The following LUZP4 variants were observed in gnomAD, a reference collection of about 807,000 sequenced individuals.
The protein encoded by LUZP4 is leucine zipper protein 4.
A neutral mutation model predicts 8.5 loss-of-function variants in LUZP4; 11 were observed. That is an observed-to-expected ratio of 1.30 (90% confidence interval 0.82 to 2.14). The LOEUF is 2.14. LUZP4 is among the 30% of genes most tolerant of loss of function. LUZP4 has a pLI of 0.00. For synonymous variants in LUZP4, 104 were observed against 79.4 expected (o/e 1.31, Z -1.65); for missense variants, 276 against 229.7 (o/e 1.20, Z -1.30).
Position 115,291,767 on chromosome X carries a change from C to G in LUZP4, c.91+1917C>G, listed in dbSNP as rs781797960. ...TGAAACCCCATCTCTACTAAAAATA[C>G]AAAGATTAGCTGGGCATGGTGTTGC... is the stretch of plus-strand genomic sequence containing the variant. On this transcript the variant is annotated intron_variant, in intron 1 of 3. Coordinates refer to ENST00000371920, the MANE Select transcript of LUZP4 (RefSeq NM_016383.5). Among the ~76,000 whole-genome samples, 6 of 110,143 alleles carry G rather than the reference C, an allele frequency of 5.4e-5. No individual in the cohort carries two copies. The South Asian group carries it at 2.4e-3, about 45-fold the overall frequency.
At chrX:115,305,289 T>A (rs1318090149) in intron 3 of LUZP4, among the ~76,000 whole-genome samples, 1 of 112,369 alleles carries the variant, frequency 8.9e-6, no homozygotes, top group Non-Finnish European at 1.9e-5. Context: ...GTACAAAAGC[T>A]GGAGAGTGGC....
At chrX:115,304,420 A>G (rs2073411048) in intron 3 of LUZP4, among the ~76,000 whole-genome samples, 1 of 112,441 alleles carries the variant, frequency 8.9e-6, no homozygotes. Flanking sequence ...GGGAAGAAGA[A>G]CATGAGCTTC....
chrX:115,301,683 A>T (rs782253312), intron 1 of LUZP4, among the ~76,000 whole-genome samples: 2 of 112,274 alleles, frequency 1.8e-5, no homozygotes, highest in African/African-American at 6.5e-5. Context: ...CTGAAATAAC[A>T]TTTAGTAAAA....
intron 1 of LUZP4, among the ~76,000 whole-genome samples, chrX:115,291,903 C>A (rs2073350619): frequency 9.2e-6 from 1 of 109,053 alleles, no homozygotes; most frequent in Admixed American, 9.7e-5. Flanking sequence ...GCCTGGGTGC[C>A]AGAGTGAGAC....
chrX:115,304,266 A>G (rs1428002363), intron 3 of LUZP4, among the ~76,000 whole-genome samples: 1 of 111,925 alleles, frequency 8.9e-6, no homozygotes, highest in Non-Finnish European at 1.9e-5. Context: ...GCCAGGCAGT[A>G]TGCAGTATGT....
At chrX:115,305,465 T>C (rs1264197136) in intron 3 of LUZP4, among the ~76,000 whole-genome samples, 3 of 112,262 alleles carry the variant, frequency 2.7e-5, no homozygotes, top group Admixed American at 1.9e-4. Context: ...ATTGAGGGGA[T>C]GTTGTGTTTG....
intron 1 of LUZP4, among the ~76,000 whole-genome samples, chrX:115,290,964 G>A (rs2073346569): frequency 9.0e-6 from 1 of 110,629 alleles, no homozygotes; most frequent in Non-Finnish European, 1.9e-5. Context: ...TTGTTTTTTT[G>A]TTTTGTTTTG....
Position 115,306,997 on chromosome X carries a change from T to C in LUZP4, c.*193T>C. Reference sequence around the variant, plus strand: ...AGCTATCATCCAGTTACCCAGGATGTCCCATTAAGTTGTTCCCGGTAGGTC... The same window carrying C: ...AGCTATCATCCAGTTACCCAGGATGCCCCATTAAGTTGTTCCCGGTAGGTC... On this transcript the variant is annotated 3_prime_UTR_variant, in exon 4 of 4. Transcript: ENST00000371920. 2.2e-6 allele frequency: 1 copy of C among 448,058 alleles called. No homozygotes were observed. Among genetic ancestry groups the C allele is most frequent in the Non-Finnish European group, 3.8e-6 (1 of 264,672 alleles). The allele number at this position is 448,058 out of a possible 1,213,427, so 36.9% of individuals were successfully genotyped here. A position where few individuals can be genotyped will look rare whatever the true frequency, so the allele number is the denominator to read the frequency against.
At chrX:115,290,037 C>T (rs1234809282) in intron 1 of LUZP4, among the ~76,000 whole-genome samples, 187 bp downstream of exon 1, 2 of 110,609 alleles carry the variant, frequency 1.8e-5, no homozygotes, top group East Asian at 2.9e-4. Context: ...GGCCCCTATC[C>T]CTCCTCTCCT....
chrX:115,301,669 G>A (rs1298668791), intron 1 of LUZP4, among the ~76,000 whole-genome samples: 1 of 111,921 alleles, frequency 8.9e-6, no homozygotes, highest in Middle Eastern at 4.2e-3. Flanking sequence ...ATATTTCTAT[G>A]ACACTGAAAT....
intron 1 of LUZP4, among the ~76,000 whole-genome samples, chrX:115,293,091 G>T (rs2073355444): frequency 9.1e-6 from 1 of 109,594 alleles, no homozygotes; most frequent in African/African-American, 3.3e-5. Flanking sequence ...AAAGTTCAAG[G>T]AGTCACAAAA....
chrX:115,291,600 A>G (rs1021932566), intron 1 of LUZP4, among the ~76,000 whole-genome samples: 1 of 111,071 alleles, frequency 9.0e-6, no homozygotes, highest in Non-Finnish European at 1.9e-5. Context: ...AAGGGGCAGG[A>G]TAAGTGGAGG....
intron 2 of LUZP4, among the ~76,000 whole-genome samples, chrX:115,302,698 A>G (rs1175387249): frequency 4.4e-5 from 5 of 112,939 alleles, no homozygotes; most frequent in Non-Finnish European, 7.5e-5. Context: ...TGTGATTACT[A>G]TAAGCCCCGA....
chrX:115,305,808 CAAT>C (rs1252514674), intron 3 of LUZP4, among the ~76,000 whole-genome samples: 2 of 111,623 alleles, frequency 1.8e-5, no homozygotes, highest in African/African-American at 6.5e-5. Flanking sequence ...AAAGAGTAAA[CAAT>C]ATGATTTTGA....
intron 1 of LUZP4, among the ~76,000 whole-genome samples, chrX:115,300,689 T>C: frequency 9.0e-6 from 1 of 111,588 alleles, no homozygotes; most frequent in East Asian, 2.9e-4. Context: ...TTTTCCTTTC[T>C]GCTCTAACAG....
At position 115,302,050 on chromosome X, in the gene LUZP4, AAGAC is replaced by A. The variant is rs781843724; in HGVS notation, c.154_157del (p.Gln52ThrfsTer54). 4.2e-6 allele frequency: 5 copies of A among 1,190,093 alleles called. No homozygotes were observed. The highest frequency in any genetic ancestry group is 5.7e-6 in the Non-Finnish European group (5 of 880,709). On this transcript the variant is annotated frameshift_variant, in exon 2 of 4. Transcript: ENST00000371920. LOFTEE classifies it high-confidence loss of function. ...CAAATGCTGAAGAAGAAAAGAATAAAAGACAGAACCATAGTAAAAAGGAATCGCC... is the reference window on the plus strand; with the variant it reads ...CAAATGCTGAAGAAGAAAAGAATAAAAGAACCATAGTAAAAAGGAATCGCC...
intron 1 of LUZP4, among the ~76,000 whole-genome samples, chrX:115,299,868 A>G (rs2073388614): frequency 1.8e-5 from 2 of 111,709 alleles, no homozygotes; most frequent in South Asian, 3.8e-4. Flanking sequence ...TATTGCTGCT[A>G]GTTATTCAGA....
intron 2 of LUZP4, 130 bp downstream of exon 2, chrX:115,302,253 G>T (rs2073401054): frequency 1.8e-6 from 1 of 548,711 alleles, no homozygotes; most frequent in East Asian, 4.0e-5. Flanking sequence ...TATTTTTTCT[G>T]GGCATGGGCT....
At chrX:115,291,861 G>A (rs1556596963) in intron 1 of LUZP4, among the ~76,000 whole-genome samples, 1 of 110,851 alleles carries the variant, frequency 9.0e-6, no homozygotes, top group Non-Finnish European at 1.9e-5. Context: ...GATGGAGGCT[G>A]CAGTGAGTTG....
Sources: gnomAD v4.1 joint callset for allele counts (sites outside exome capture counted in the v4.1 genomes callset) on GRCh38, gnomAD v4.1.1 for gene constraint, MANE v1.5 for transcripts, NCBI Gene and HGNC (gene_info 2026-07-23, HGNC 2026-07-21) for gene names.